Variants in SHROOM2 observed in about 807,000 individuals in gnomAD.
The protein encoded by SHROOM2 is shroom family member 2.
A neutral mutation model predicts 75.9 loss-of-function variants in SHROOM2; 33 were observed. The ratio of observed to expected loss-of-function variants is 0.43; its 90% CI spans 0.33 to 0.58. SHROOM2 has a LOEUF of 0.58. Ranked by LOEUF, SHROOM2 falls within the 20% of genes least tolerant of loss-of-function variation. The pLI, the probability that SHROOM2 is intolerant of heterozygous loss-of-function variation, is 0.04. For missense variants in SHROOM2, 1,434 were observed against 1,461.2 expected (o/e 0.98, Z 0.30); for synonymous variants, 655 against 663.6 (o/e 0.99, Z 0.20).
At chrX:9,808,341 C>G (rs1282939695) in intron 1 of SHROOM2, among the ~76,000 whole-genome samples, 1 of 100,787 alleles carries the variant, frequency 9.9e-6, no homozygotes, top group Non-Finnish European at 2.0e-5. Flanking sequence ...CCCAGGAGTT[C>G]GAGACCAGAC....
chrX:9,845,026 G>A (rs2083998798), intron 1 of SHROOM2, among the ~76,000 whole-genome samples: 1 of 110,328 alleles, frequency 9.1e-6, no homozygotes, highest in South Asian at 4.0e-4. Context: ...TCTGTTAGGA[G>A]CCCGTAAATG....
chrX:9,858,549 C>T (rs756208424), intron 1 of SHROOM2, among the ~76,000 whole-genome samples: 38 of 112,645 alleles, frequency 3.4e-4, no homozygotes, highest in Middle Eastern at 4.6e-3. Flanking sequence ...TGCCTGTAAT[C>T]CCAGCACTTT....
chrX:9,896,142 C>A lies in SHROOM2; in HGVS notation c.2234C>A (p.Pro745Gln), dbSNP rs981858017. The A allele has an allele frequency of 1.7e-6, 2 of 1,207,147 alleles. 1 individual carries two copies. Among genetic ancestry groups the A allele is most frequent in the Admixed American group, 4.4e-5 (2 of 45,728 alleles). ...TCATCTACAAGTGGCGGGCCCCACC[C>A]GCCCCGCATCGGAGGCCGGAGACGG... is the stretch of plus-strand genomic sequence containing the variant. ...PPSSTSGGPH[P>Q]PRIGGRRRFT... Residue 745 changes from proline to glutamine, a missense_variant, in exon 4 of 10, where the codon CCG (proline) becomes CAG (glutamine). By Grantham distance (76) the Pro-to-Gln change is moderately conservative. Coordinates refer to ENST00000380913, the MANE Select transcript of SHROOM2 (RefSeq NM_001649.4).
intron 1 of SHROOM2, among the ~76,000 whole-genome samples, chrX:9,832,500 T>C (rs143421821): frequency 0.014 from 1,586 of 111,808 alleles, 23 homozygotes; most frequent in African/African-American, 0.049. Context: ...TCCCTCGAAG[T>C]AGAATGCATG....
chrX:9,890,950 C>A lies in SHROOM2; in HGVS notation c.318-27C>A, dbSNP rs762548218. ...TGAGCGCTGTGTGCAGTCCCTGACCCCCCGCCTCCCCTGCGTTCTTTTCTA... is the reference window on the plus strand; with the variant it reads ...TGAGCGCTGTGTGCAGTCCCTGACCACCCGCCTCCCCTGCGTTCTTTTCTA... On this transcript the variant is annotated intron_variant, in intron 2 of 9. Transcript: ENST00000380913. 5.1e-6 allele frequency: 6 copies of A among 1,181,362 alleles called. No individual in the cohort carries two copies. In the Admixed American group the frequency reaches 1.4e-4, roughly 28 times the overall value.
At chrX:9,799,702 C>T in intron 1 of SHROOM2, among the ~76,000 whole-genome samples, 1 of 110,164 alleles carries the variant, frequency 9.1e-6, no homozygotes, top group Non-Finnish European at 1.9e-5. Context: ...TCCTCTCTCT[C>T]TCATCTAGGT....
chrX:9,888,504 C>T (rs1439864003), intron 2 of SHROOM2, among the ~76,000 whole-genome samples: 1 of 111,527 alleles, frequency 9.0e-6, no homozygotes, highest in African/African-American at 3.3e-5. Flanking sequence ...AGTGCAGTAG[C>T]GCAAACACGG....
At chrX:9,885,918 A>C (rs1270411359) in intron 2 of SHROOM2, among the ~76,000 whole-genome samples, 5 of 97,248 alleles carry the variant, frequency 5.1e-5, no homozygotes, top group Non-Finnish European at 1.0e-4. Context: ...GCGTCACTGT[A>C]CTCCAGCCTG....
chrX:9,805,903 C>CAA (rs34172058), intron 1 of SHROOM2, among the ~76,000 whole-genome samples: 27 of 51,811 alleles, frequency 5.2e-4, no homozygotes, highest in African/African-American at 1.3e-3. Flanking sequence ...AACTGTGTCT[C>CAA]AAAAAAAAAA....
chrX:9,862,702 C>T (rs992802828), intron 1 of SHROOM2, among the ~76,000 whole-genome samples: 2 of 112,118 alleles, frequency 1.8e-5, no homozygotes, highest in Admixed American at 9.4e-5. Context: ...GTGCCTCCAC[C>T]GCCCTCTGCT....
chrX:9,912,951 C>G (rs2084444408), intron 5 of SHROOM2: 1 of 112,146 alleles, frequency 8.9e-6, no homozygotes, highest in East Asian at 2.8e-4. Context: ...TCACGGTTAG[C>G]TGAAAGCACA....
intron 1 of SHROOM2, among the ~76,000 whole-genome samples, chrX:9,809,240 C>T (rs934697335): frequency 8.1e-5 from 9 of 111,371 alleles, no homozygotes; most frequent in Non-Finnish European, 1.7e-4. Context: ...AGTCCCAAAA[C>T]TGAAGAACCT....
At chrX:9,843,161 T>C (rs73472999) in intron 1 of SHROOM2, among the ~76,000 whole-genome samples, 2,806 of 110,082 alleles carry the variant, frequency 0.025, 98 homozygotes, top group African/African-American at 0.088. Flanking sequence ...GTAAGGAGAA[T>C]TCTCACCTCC....
intron 5 of SHROOM2, among the ~76,000 whole-genome samples, chrX:9,929,754 G>T (rs1364421857): frequency 8.9e-6 from 1 of 111,815 alleles, no homozygotes. Context: ...ATATGGTTTG[G>T]CTGTGTCCCC....
intron 5 of SHROOM2, among the ~76,000 whole-genome samples, chrX:9,911,567 C>T: frequency 9.0e-6 from 1 of 111,108 alleles, no homozygotes; most frequent in Non-Finnish European, 1.9e-5. Context: ...GCTGGCGACG[C>T]TGCTTCCTGG....
rs763961350 is a variant in SHROOM2 at position 9,845,947 on chromosome X, A to C, written c.166-27705A>C. On this transcript the variant is annotated intron_variant, in intron 1 of 9. Transcript: ENST00000380913. ...ATATAGGACTGTCTTGAATGTCCAC[A>C]CTATAGATGAGGTTAGCCTCTATTT... Among the ~76,000 whole-genome samples, 39 of 103,109 alleles carry C rather than the reference A, an allele frequency of 3.8e-4. 1 individual carries two copies. In the South Asian group the frequency reaches 0.017, roughly 46 times the overall value. The allele number at this position is 103,109 out of a possible 115,157, so 89.5% of individuals were successfully genotyped here.
intron 1 of SHROOM2, among the ~76,000 whole-genome samples, chrX:9,832,366 T>C (rs1403770135): frequency 8.1e-5 from 9 of 111,633 alleles, no homozygotes. Context: ...CTTGCTGGTC[T>C]TGCACTTTGT....
rs780738899 is a variant in SHROOM2 at position 9,932,561 on chromosome X, C to G, written c.3278C>G (p.Pro1093Arg). The change falls in exon 6 of 10, where the codon CCC (proline) becomes CGC (arginine). Residue 1093 changes from proline to arginine, a missense_variant. Coordinates refer to ENST00000380913, the MANE Select transcript of SHROOM2 (RefSeq NM_001649.4). ...GCCCCCGTGGGCGTCCTCGGCAGGC[C>G]CTTCCCAACGCCATCCCCTGCGTCC... Reference protein sequence around the residue: ...ADAPVGVLGRPFPTPSPASLD... With the variant: ...ADAPVGVLGRRFPTPSPASLD... 7.4e-6 allele frequency: 9 copies of G among 1,211,773 alleles called. No individual in the cohort carries two copies. Among genetic ancestry groups the G allele is most frequent in the Non-Finnish European group, 7.8e-6 (7 of 895,446 alleles).
chrX:9,882,865 A>G (rs2084239746), intron 2 of SHROOM2, among the ~76,000 whole-genome samples: 1 of 111,799 alleles, frequency 8.9e-6, no homozygotes, highest in African/African-American at 3.3e-5. Flanking sequence ...ATCTTGCCTC[A>G]GTTCTCTTCA....
Sources: gnomAD v4.1 joint callset for allele counts (sites outside exome capture counted in the v4.1 genomes callset) on GRCh38, gnomAD v4.1.1 for gene constraint, MANE v1.5 for transcripts, NCBI Gene and HGNC (gene_info 2026-07-23, HGNC 2026-07-21) for gene names.